The following UNC13B variants were observed in gnomAD, a reference collection of about 807,000 sequenced individuals.
UNC13B encodes the protein unc-13 homolog B, also known as protein unc-13 homolog B.
In UNC13B, 144 loss-of-function variants were observed where a neutral mutation model predicts 211.0. The observed-to-expected ratio is 0.68, with a 90% CI of 0.60 to 0.78. The LOEUF is 0.78. Among genes scored for constraint, UNC13B ranks in the 30% least tolerant of loss-of-function variants. The pLI, the probability that UNC13B is intolerant of heterozygous loss-of-function variation, is 0.00. For missense variants in UNC13B, 1,777 were observed against 2,002.0 expected (o/e 0.89, Z 2.14); for synonymous variants, 709 against 725.8 (o/e 0.98, Z 0.37).
Position 35,341,794 on chromosome 9 carries a change from C to T in UNC13B, c.9415-25153C>T, listed in dbSNP as rs73645461. 464 of 302,922 alleles carry T rather than the reference C, an allele frequency of 1.5e-3. 1 individual carries two copies. Among genetic ancestry groups the T allele is most frequent in the African/African-American group, 9.4e-3 (416 of 44,126 alleles). The allele number at this position is 302,922 out of a possible 1,614,324, so 18.8% of individuals were successfully genotyped here. A position where few individuals can be genotyped will look rare whatever the true frequency, so the allele number is the denominator to read the frequency against. On this transcript the variant is annotated intron_variant, in intron 11 of 39. Coordinates refer to ENST00000635942, the MANE Select transcript of UNC13B (RefSeq NM_001371189.2). Reference sequence around the variant, plus strand: ...GGGAAGGGGGTGTGTGCGCCAGGAACGTGTGAGGAGGGCTGGTGCCCTATG... The same window carrying T: ...GGGAAGGGGGTGTGTGCGCCAGGAATGTGTGAGGAGGGCTGGTGCCCTATG...
At chr9:35,278,958 G>C (rs1828330516) in intron 7 of UNC13B, among the ~76,000 whole-genome samples, 1 of 152,054 alleles carries the variant, frequency 6.6e-6, no homozygotes, top group South Asian at 2.1e-4. Flanking sequence ...GCTATGAACT[G>C]TGTTTAGTGT....
At chr9:35,215,831 T>C (rs1272907255) in intron 1 of UNC13B, among the ~76,000 whole-genome samples, 1 of 152,234 alleles carries the variant, frequency 6.6e-6, no homozygotes. Context: ...TTCTGATTCC[T>C]GGTGTCTCTG....
chr9:35,181,708 G>A (rs939311721), intron 1 of UNC13B, among the ~76,000 whole-genome samples: 2 of 152,118 alleles, frequency 1.3e-5, no homozygotes, highest in South Asian at 2.1e-4. Context: ...ATGGTGGTGC[G>A]GGCCTGTAGT....
At chr9:35,397,085 CT>C (rs1221915676) in intron 28 of UNC13B, 81 bp from the exon 29 acceptor site, 2 of 1,602,456 alleles carry the variant, frequency 1.2e-6, no homozygotes, top group African/African-American at 2.7e-5. Flanking sequence ...GCCACTCTTG[CT>C]GGTCAGAGCC....
chr9:35,176,007 C>T lies in UNC13B; in HGVS notation c.22+13702C>T, dbSNP rs941743582. On this transcript the variant is annotated intron_variant, in intron 1 of 39. Transcript: ENST00000635942. ...CACCATTGCACTCCAGCCTGGTTGA[C>T]AAAGTAAGACTCTGTCTCAAAAAAA... Among the ~76,000 whole-genome samples the T allele has an allele frequency of 3.3e-5, 3 of 92,040 alleles. No homozygotes were observed. The East Asian group carries it at 9.9e-4, about 30-fold the overall frequency. 60.4% of individuals were successfully genotyped at this position (92,040 alleles called of 152,430 possible).
intron 7 of UNC13B, among the ~76,000 whole-genome samples, chr9:35,288,572 T>A (rs1448777061): frequency 6.6e-6 from 1 of 152,188 alleles, no homozygotes; most frequent in Non-Finnish European, 1.5e-5. Flanking sequence ...TTTAATGCAT[T>A]TTTGGGATAG....
At chr9:35,387,842 T>C (rs1330808383) in intron 24 of UNC13B, among the ~76,000 whole-genome samples, 2 of 152,124 alleles carry the variant, frequency 1.3e-5, no homozygotes, top group Non-Finnish European at 2.9e-5. Context: ...AATTACTACA[T>C]TTATTGTTTT....
chr9:35,165,046 G>A lies in UNC13B; in HGVS notation c.22+2741G>A, dbSNP rs575869374. 9.2e-5 allele frequency among the ~76,000 whole-genome samples: 14 copies of A among 152,350 alleles called. No homozygotes were observed. The South Asian group carries it at 2.7e-3, about 29-fold the overall frequency. On this transcript the variant is annotated intron_variant, in intron 1 of 39. Transcript: ENST00000635942. ...ATATTGAGAAGCTAGGTTATCTTAA[G>A]AGGGGAGTGATTAGAATAATGAAAC...
chr9:35,206,872 CAAAA>C (rs35378310), intron 1 of UNC13B, among the ~76,000 whole-genome samples: 4 of 113,130 alleles, frequency 3.5e-5, no homozygotes, highest in Non-Finnish European at 7.6e-5. Flanking sequence ...GACTCCATCT[CAAAA>C]AAAAAAAAAA....
chr9:35,209,471 A>G (rs1225659198), intron 1 of UNC13B, among the ~76,000 whole-genome samples: 1 of 151,960 alleles, frequency 6.6e-6, no homozygotes, highest in Middle Eastern at 3.2e-3. Context: ...TCCACCTCCC[A>G]GATTCAAGCA....
chr9:35,167,231 G>T (rs1821084397), intron 1 of UNC13B, among the ~76,000 whole-genome samples: 1 of 151,880 alleles, frequency 6.6e-6, no homozygotes, highest in Non-Finnish European at 1.5e-5. Context: ...CCATCACCAC[G>T]CCTGGCTAAT....
intron 9 of UNC13B, among the ~76,000 whole-genome samples, chr9:35,310,240 A>C (rs1830117902): frequency 6.6e-6 from 1 of 152,140 alleles, no homozygotes; most frequent in Non-Finnish European, 1.5e-5. Context: ...TGCAGAACTG[A>C]GGTTAAGTGT....
intron 7 of UNC13B, among the ~76,000 whole-genome samples, chr9:35,273,420 GCAGTAGGTTTTCA>G (rs1374898529): frequency 1.3e-5 from 2 of 152,172 alleles, no homozygotes; most frequent in African/African-American, 4.8e-5. Flanking sequence ...TAGATGGCAA[GCAGTAGGTTTTCA>G]ATGCTTTCCA....
chr9:35,172,509 T>C (rs1426929525), intron 1 of UNC13B, among the ~76,000 whole-genome samples: 1 of 152,228 alleles, frequency 6.6e-6, no homozygotes, highest in Non-Finnish European at 1.5e-5. Flanking sequence ...GTGTAACTGC[T>C]CTGGATGAGG....
chr9:35,380,129 G>T (rs1834721265), intron 17 of UNC13B, among the ~76,000 whole-genome samples: 1 of 152,090 alleles, frequency 6.6e-6, no homozygotes, highest in Non-Finnish European at 1.5e-5. Context: ...GCTTCCTGGA[G>T]CTCCGTGGCA....
intron 3 of UNC13B, among the ~76,000 whole-genome samples, chr9:35,234,919 T>C (rs1472296852): frequency 6.6e-6 from 1 of 152,212 alleles, no homozygotes; most frequent in Non-Finnish European, 1.5e-5. Context: ...GACTTGAAGC[T>C]TCTACTTGTG....
intron 16 of UNC13B, 90 bp downstream of exon 16, chr9:35,377,785 G>T: frequency 3.9e-6 from 5 of 1,296,184 alleles, no homozygotes; most frequent in Non-Finnish European, 4.3e-6. Context: ...GGGAGCAAGG[G>T]ATTAGGGAGA....
chr9:35,281,579 G>A (rs1370273213), intron 7 of UNC13B, among the ~76,000 whole-genome samples: 2 of 152,176 alleles, frequency 1.3e-5, no homozygotes, highest in African/African-American at 4.8e-5. Context: ...GGGATGGTTA[G>A]GAACTGCTTC....
Position 35,304,405 on chromosome 9 carries a change from G to A in UNC13B, c.5001G>A (p.Pro1667=), listed in dbSNP as rs372694261. The part of the protein sequence containing the change: ...KGDFRSFKER[P]CGSEDAECTL... ...ACTTTAGATCTTTCAAAGAAAGGCCGTGTGGTTCTGAAGACGCTGAATGTA... is the reference window on the plus strand; with the variant it reads ...ACTTTAGATCTTTCAAAGAAAGGCCATGTGGTTCTGAAGACGCTGAATGTA... The change falls in exon 9 of 40, where the codon CCG becomes CCA. Residue 1667 remains proline, a synonymous_variant. Transcript: ENST00000635942. 254 of 398,660 alleles carry A rather than the reference G, an allele frequency of 6.4e-4. 2 individuals carry two copies. In the South Asian group the frequency reaches 0.019, roughly 30 times the overall value. The allele number at this position is 398,660 out of a possible 1,614,324, so 24.7% of individuals were successfully genotyped here.
Sources: gnomAD v4.1 joint callset for allele counts (sites outside exome capture counted in the v4.1 genomes callset) on GRCh38, gnomAD v4.1.1 for gene constraint, MANE v1.5 for transcripts, NCBI Gene and HGNC (gene_info 2026-07-23, HGNC 2026-07-21) for gene names.